DNAH5: variants seen among roughly 807,000 people sequenced by gnomAD.
DNAH5 encodes the protein dynein axonemal heavy chain 5, also known as axonemal beta dynein heavy chain 5.
DNAH5 carries 372 observed loss-of-function variants against 518.2 expected under a neutral mutation model. That is an observed-to-expected ratio of 0.72 (90% CI 0.66 to 0.78). DNAH5 has a LOEUF of 0.78. Among genes scored for constraint, DNAH5 ranks in the 30% least tolerant of loss-of-function variants. DNAH5 has a pLI of 0.00. For synonymous variants in DNAH5, 2,039 were observed against 2,025.9 expected, an observed-to-expected ratio of 1.01 and a Z score of -0.17; for missense variants, 5,523 against 5,687.0, an observed-to-expected ratio of 0.97 and a Z score of 0.93.
chr5:13,752,948 G>A (rs1750446050), intron 63 of DNAH5, among the ~76,000 whole-genome samples: 1 of 152,222 alleles, frequency 6.6e-6, no homozygotes, highest in Non-Finnish European at 1.5e-5. Context: ...CACACTTTGT[G>A]TGATACAGCT....
In DNAH5 at chr5:13,807,597, C is replaced by T. The variant is rs369279743; in HGVS notation, c.7881G>A (p.Met2627Ile). The change falls in exon 47 of 79, where the codon ATG becomes ATA. Residue 2627 changes from methionine to isoleucine, a missense_variant. This residue lies in a region of DNAH5 where 5,121 missense variants were observed against 5,223.3 expected (regional missense o/e 0.98). Transcript: ENST00000265104. ...CATACCAAAGAGCCAGTACCTGGAACATCAGTGGGGTGGTTGCAGAAGAAA... is the reference window on the plus strand; with the variant it reads ...CATACCAAAGAGCCAGTACCTGGAATATCAGTGGGGTGGTTGCAGAAGAAA... ...LNFSSATTPL[M>I]FQRTIESYVD... 9.7e-5 allele frequency: 157 copies of T among 1,613,546 alleles called. 1 individual carries two copies. The Middle Eastern group carries it at 1.3e-3, about 14-fold the overall frequency.
At position 13,923,290 on chromosome 5, in the gene DNAH5, T is replaced by C; in HGVS notation, c.428A>G (p.Asn143Ser). The change falls in exon 4 of 79, where the codon AAC becomes AGC. Residue 143 changes from asparagine (N) to serine (S), a missense_variant. Physicochemically the swap from Asn to Ser is conservative, Grantham distance 46. This residue lies in a region of DNAH5 where 5,121 missense variants were observed against 5,223.3 expected (regional missense o/e 0.98). Coordinates refer to ENST00000265104, the MANE Select transcript of DNAH5 (RefSeq NM_001369.3). ...TDPSKAITPD[N>S]IHQEVSFNML... ...GCTCTTGCCCCTTACCTGGTGGATG[T>C]TGTCAGGGGTGATGGCTTTGGAAGG... 1.9e-6 allele frequency: 3 copies of C among 1,614,156 alleles called. No homozygotes were observed. The highest frequency in any genetic ancestry group is 1.7e-5 in the Admixed American group (1 of 60,030).
At chr5:13,806,857 A>T (rs757665755) in intron 47 of DNAH5, among the ~76,000 whole-genome samples, 16 of 152,166 alleles carry the variant, frequency 1.1e-4, no homozygotes, top group Non-Finnish European at 2.4e-4. Context: ...CACTTCTGTG[A>T]TACATAGAGC....
intron 52 of DNAH5, among the ~76,000 whole-genome samples, chr5:13,784,039 C>T (rs971446684): frequency 1.3e-5 from 2 of 152,214 alleles, no homozygotes; most frequent in African/African-American, 4.8e-5. Flanking sequence ...TCCAACATCA[C>T]ACCCAAAGTG....
chr5:14,008,107 G>T (rs1156750599), intron 1 of DNAH5, among the ~76,000 whole-genome samples: 1 of 151,890 alleles, frequency 6.6e-6, no homozygotes, highest in African/African-American at 2.4e-5. Flanking sequence ...AGGAGGCAGA[G>T]GTTGCAGTGA....
intron 2 of DNAH5, among the ~76,000 whole-genome samples, chr5:13,929,191 TG>T: frequency 6.6e-6 from 1 of 152,300 alleles, no homozygotes; most frequent in African/African-American, 2.4e-5. Flanking sequence ...ACAACATGGA[TG>T]AACCTTGCAA....
chr5:13,882,375 A>G (rs569204454), intron 21 of DNAH5, among the ~76,000 whole-genome samples: 6 of 151,986 alleles, frequency 3.9e-5, no homozygotes, highest in Non-Finnish European at 8.8e-5. Flanking sequence ...AAAAAACTAC[A>G]GGCCAATATC....
chr5:13,735,749 A>G (rs1341333436), intron 67 of DNAH5, 69 bp downstream of exon 67: 4 of 1,181,146 alleles, frequency 3.4e-6, no homozygotes, highest in Non-Finnish European at 5.1e-6. Context: ...GAAGGAAGTT[A>G]TAAATGTAAT....
chr5:13,745,420 T>G (rs1009140465), intron 65 of DNAH5, among the ~76,000 whole-genome samples: 2 of 152,052 alleles, frequency 1.3e-5, no homozygotes, highest in Admixed American at 1.3e-4. Flanking sequence ...AAAGTATAAC[T>G]CTGTTAAAAT....
At chr5:13,966,177 T>C (rs1781512232) in intron 1 of DNAH5, among the ~76,000 whole-genome samples, 1 of 152,092 alleles carries the variant, frequency 6.6e-6, no homozygotes, top group South Asian at 2.1e-4. Context: ...TTTGTTTCCT[T>C]TTATGGCTGA....
chr5:13,782,625 A>C (rs929066579), intron 52 of DNAH5, among the ~76,000 whole-genome samples: 5 of 152,190 alleles, frequency 3.3e-5, no homozygotes, highest in African/African-American at 1.2e-4. Flanking sequence ...GCCACTTTTC[A>C]ACCATCATCA....
rs149452082 is a variant in DNAH5, at chr5:13,766,101, C to G, written c.9976G>C (p.Val3326Leu). ...PHLIMRIMDC[V>L]LLLFQRKVSA... is the part of the protein sequence containing the mutation. Reference sequence around the variant, plus strand: ...ACTTTCCTTTGAAACAGCAGCAGTACGCAATCCATGATCCGCATGATGAGG... The same window carrying G: ...ACTTTCCTTTGAAACAGCAGCAGTAGGCAATCCATGATCCGCATGATGAGG... The change falls in exon 59 of 79, where the codon GTA (valine) becomes CTA (leucine). Residue 3326 changes from valine to leucine, a missense_variant. This residue lies in a region of DNAH5 where 5,121 missense variants were observed against 5,223.3 expected (regional missense o/e 0.98). Coordinates refer to ENST00000265104, the MANE Select transcript of DNAH5 (RefSeq NM_001369.3). 1.2e-6 allele frequency: 2 copies of G among 1,614,168 alleles called. No individual in the cohort carries two copies. Among genetic ancestry groups the G allele is most frequent in the East Asian group, 4.5e-5 (2 of 44,888 alleles).
chr5:13,894,349 C>A (rs1773644000), intron 16 of DNAH5, among the ~76,000 whole-genome samples: 1 of 152,154 alleles, frequency 6.6e-6, no homozygotes. Flanking sequence ...TCTCAAAATA[C>A]ACTAACCTAT....
At chr5:13,726,819 T>G (rs1201281753) in intron 70 of DNAH5, among the ~76,000 whole-genome samples, 3 of 152,194 alleles carry the variant, frequency 2.0e-5, no homozygotes, top group African/African-American at 7.2e-5. Flanking sequence ...CTATTGCTAC[T>G]CCACAGCTCA....
intron 12 of DNAH5, among the ~76,000 whole-genome samples, chr5:13,909,178 GA>G (rs1185719239): frequency 6.6e-6 from 1 of 151,996 alleles, no homozygotes; most frequent in Non-Finnish European, 1.5e-5. Flanking sequence ...TTATCCTCAG[GA>G]ATATGTTCCA....
chr5:13,703,204 A>G (rs959918274), intron 76 of DNAH5, among the ~76,000 whole-genome samples: 1 of 152,142 alleles, frequency 6.6e-6, no homozygotes, highest in Non-Finnish European at 1.5e-5. Context: ...CTCCAAATGT[A>G]GGCTACTGCT....
At chr5:13,808,931 G>A (rs1057393056) in intron 46 of DNAH5, 113 bp downstream of exon 46, 3 of 1,357,030 alleles carry the variant, frequency 2.2e-6, no homozygotes, top group African/African-American at 2.9e-5. Flanking sequence ...CTGCACTCCA[G>A]CCTGGGCGAC....
At chr5:13,908,933 T>A (rs1318077730) in intron 12 of DNAH5, among the ~76,000 whole-genome samples, 1 of 152,132 alleles carries the variant, frequency 6.6e-6, no homozygotes, top group Admixed American at 6.5e-5. Flanking sequence ...CCCAGTTTTA[T>A]AAAGATGAGG....
At chr5:13,914,735 G>T in intron 9 of DNAH5, 93 bp from the exon 10 acceptor site, 1 of 1,277,138 alleles carries the variant, frequency 7.8e-7, no homozygotes, top group Non-Finnish European at 1.1e-6. Context: ...ACTTCTCAGA[G>T]TTCACAATCT....
Sources: gnomAD v4.1 joint callset for allele counts (sites outside exome capture counted in the v4.1 genomes callset) on GRCh38, gnomAD v4.1.1 for gene constraint, gnomAD v4.1.1 regional missense constraint, MANE v1.5 for transcripts, NCBI Gene and HGNC (gene_info 2026-07-23, HGNC 2026-07-21) for gene names.